The following MAP2K4 variants were observed in gnomAD, a reference collection of about 807,000 sequenced individuals.
MAP2K4 encodes dual specificity mitogen-activated protein kinase kinase 4.
Under a neutral mutation model 48.5 loss-of-function variants are expected in MAP2K4, and 4 were observed. The observed-to-expected ratio is 0.08, with a 90% CI of 0.04 to 0.19. The LOEUF (loss-of-function observed/expected upper bound fraction) is 0.19, where lower values mean the gene tolerates loss of function less well. Ranked by LOEUF, MAP2K4 falls within the 10% of genes least tolerant of loss-of-function variation. The probability of loss-of-function intolerance (pLI) is 1.00; values close to 1 mark genes in which losing one functional copy is unlikely to be tolerated. For synonymous variants in MAP2K4, 166 were observed against 173.1 expected (o/e 0.96, Z 0.32); for missense variants, 258 against 493.3 (o/e 0.52, Z 4.52).
intron 1 of MAP2K4, 39 bp downstream of exon 1, chr17:12,021,040 C>T (rs912611165): frequency 9.6e-6 from 11 of 1,142,684 alleles, no homozygotes; most frequent in Non-Finnish European, 1.2e-5. Flanking sequence ...AGCCCCCTAG[C>T]GCGGCAACCC....
At chr17:12,088,911 CTT>C (rs5819350) in intron 3 of MAP2K4, among the ~76,000 whole-genome samples, 36 of 128,176 alleles carry the variant, frequency 2.8e-4, no homozygotes, top group East Asian at 4.5e-4. Flanking sequence ...AATACAGATT[CTT>C]TTTTTTTTTT....
chr17:12,038,085 C>G (rs1036951989), intron 1 of MAP2K4, among the ~76,000 whole-genome samples: 4 of 152,092 alleles, frequency 2.6e-5, no homozygotes, highest in African/African-American at 7.2e-5. Flanking sequence ...TTATATGCCA[C>G]TTGAACTTTA....
At chr17:12,092,159 A>T (rs1971583636) in intron 3 of MAP2K4, among the ~76,000 whole-genome samples, 1 of 152,158 alleles carries the variant, frequency 6.6e-6, no homozygotes, top group African/African-American at 2.4e-5. Context: ...GCCAGGGAAA[A>T]AAAGGTTTGC....
chr17:12,133,070 TTTG>T (rs539104400), intron 9 of MAP2K4, among the ~76,000 whole-genome samples: 13 of 151,846 alleles, frequency 8.6e-5, no homozygotes, highest in Middle Eastern at 3.4e-3. Flanking sequence ...CTTCTTGGGT[TTTG>T]TTGTTGTTGT....
chr17:12,139,902 G>A lies in MAP2K4; in HGVS notation c.1086+18G>A, dbSNP rs1488969000. 5.1e-6 allele frequency: 8 copies of A among 1,570,678 alleles called. No individual in the cohort carries two copies. Among genetic ancestry groups the A allele is most frequent in the African/African-American group, 1.4e-5 (1 of 74,024 alleles). ...AGCTTCTGGTGAGTGTGGGACTGTG[G>A]GGATTGTAGGTACATCCTAACCCCG... On this transcript the variant is annotated intron_variant, in intron 10 of 10. Coordinates refer to ENST00000353533, the MANE Select transcript of MAP2K4 (RefSeq NM_003010.4).
intron 3 of MAP2K4, among the ~76,000 whole-genome samples, chr17:12,085,494 C>T (rs11869183): frequency 0.04 from 6,053 of 151,762 alleles, 387 homozygotes; most frequent in African/African-American, 0.14. Flanking sequence ...AGCAATGTGA[C>T]CTGGTATGCA....
intron 1 of MAP2K4, chr17:12,021,449 G>GGCCGGCGCCCCTCGGC (rs1969048636): frequency 6.6e-6 from 1 of 151,902 alleles, no homozygotes; most frequent in Non-Finnish European, 1.5e-5. Flanking sequence ...CAGCGGCCCC[G>GGCCGGCGCCCCTCGGC]GCCGGCGCCC....
chr17:12,129,387 C>G, intron 9 of MAP2K4, 100 bp downstream of exon 9: 1 of 1,380,730 alleles, frequency 7.2e-7, no homozygotes. Context: ...GAAGGGGACC[C>G]TTGGTCACAT....
chr17:12,035,689 AAG>A (rs1170987203), intron 1 of MAP2K4, among the ~76,000 whole-genome samples: 12 of 152,244 alleles, frequency 7.9e-5, no homozygotes, highest in African/African-American at 2.9e-4. Context: ...ATTTATTAAA[AAG>A]AATTATGTAT....
At chr17:12,068,820 T>C (rs1970698622) in intron 2 of MAP2K4, among the ~76,000 whole-genome samples, 1 of 152,126 alleles carries the variant, frequency 6.6e-6, no homozygotes, top group African/African-American at 2.4e-5. Flanking sequence ...TATGTGCATG[T>C]ATCACATACT....
chr17:12,098,826 C>A (rs1971841411), intron 4 of MAP2K4, among the ~76,000 whole-genome samples: 1 of 152,104 alleles, frequency 6.6e-6, no homozygotes, highest in Admixed American at 6.5e-5. Context: ...TGGTTTGGTT[C>A]AGTCAGCCAT....
At chr17:12,045,126 CTG>C (rs971294503) in intron 1 of MAP2K4, among the ~76,000 whole-genome samples, 11 of 152,252 alleles carry the variant, frequency 7.2e-5, no homozygotes, top group Admixed American at 2.0e-4. Flanking sequence ...CACTAGAGCT[CTG>C]TGTCATTGTC....
At chr17:12,049,832 G>A (rs1184654201) in intron 1 of MAP2K4, among the ~76,000 whole-genome samples, 1 of 152,192 alleles carries the variant, frequency 6.6e-6, no homozygotes, top group Non-Finnish European at 1.5e-5. Flanking sequence ...TTGCAGATGG[G>A]TATGGACTCA....
At chr17:12,132,905 G>A (rs1167694002) in intron 9 of MAP2K4, among the ~76,000 whole-genome samples, 4 of 152,098 alleles carry the variant, frequency 2.6e-5, no homozygotes, top group Admixed American at 1.3e-4. Context: ...GATTACATTT[G>A]TAGTAATTTT....
chr17:12,032,572 G>A (rs904932241), intron 1 of MAP2K4, among the ~76,000 whole-genome samples: 1 of 152,014 alleles, frequency 6.6e-6, no homozygotes, highest in Non-Finnish European at 1.5e-5. Flanking sequence ...AGTATATATA[G>A]GTATTCAGAC....
chr17:12,105,973 A>G (rs1202929103), intron 4 of MAP2K4, among the ~76,000 whole-genome samples: 2 of 152,114 alleles, frequency 1.3e-5, no homozygotes, highest in Non-Finnish European at 2.9e-5. Flanking sequence ...TGCATATGTT[A>G]ACTCATTTGC....
chr17:12,047,720 A>C (rs553381452), intron 1 of MAP2K4, among the ~76,000 whole-genome samples: 1 of 152,236 alleles, frequency 6.6e-6, no homozygotes, highest in Non-Finnish European at 1.5e-5. Flanking sequence ...AGAGAATTTA[A>C]TACTTTCTCA....
intron 9 of MAP2K4, among the ~76,000 whole-genome samples, chr17:12,130,817 C>T (rs913631799): frequency 6.6e-6 from 1 of 152,214 alleles, no homozygotes; most frequent in East Asian, 1.9e-4. Context: ...CTGGATCATT[C>T]AGATTTCTCA....
At chr17:12,089,066 C>T (rs773242842) in intron 3 of MAP2K4, among the ~76,000 whole-genome samples, 3 of 152,026 alleles carry the variant, frequency 2.0e-5, no homozygotes, top group Non-Finnish European at 4.4e-5. Flanking sequence ...CGCACGCCAC[C>T]ACGCCTGGCT....
Sources: allele counts gnomAD v4.1 joint callset (sites outside exome capture counted in the v4.1 genomes callset), GRCh38; gene constraint gnomAD v4.1.1; transcripts MANE v1.5; gene names NCBI Gene and HGNC (gene_info 2026-07-23, HGNC 2026-07-21).